The following GUCA2B variants were observed in gnomAD, a reference collection of about 807,000 sequenced individuals.
GUCA2B encodes guanylate cyclase activator 2B.
GUCA2B carries 7 observed loss-of-function variants against 11.1 expected under a neutral mutation model. The ratio of observed to expected loss-of-function variants is 0.63; its 90% confidence interval spans 0.36 to 1.18. GUCA2B has a LOEUF of 1.18. GUCA2B is among the 50% of genes most tolerant of loss of function. The probability of loss-of-function intolerance (pLI) is 0.02; values close to 1 mark genes in which losing one functional copy is unlikely to be tolerated. For synonymous variants in GUCA2B, 69 were observed against 65.3 expected, an observed-to-expected ratio of 1.06 and a Z score of -0.27; for missense variants, 140 against 142.5, an observed-to-expected ratio of 0.98 and a Z score of 0.09.
rs377371501 is a variant in GUCA2B, at chr1:42,154,756, G to A, written c.167G>A (p.Arg56His). ...GAGGCACAGTGGGCACCCAGCCCCC[G>A]CCTGCAGGCCCAGAGCCTCCTGCCC... ...DLEAQWAPSP[R>H]LQAQSLLPAV... Residue 56 changes from arginine (R) to histidine (H), a missense_variant, in exon 2 of 3, where the codon CGC (arginine) becomes CAC (histidine). By Grantham distance (29) the Arg-to-His change is conservative. Transcript: ENST00000372581. 15 of 1,613,790 alleles carry A rather than the reference G, an allele frequency of 9.3e-6. No individual in the cohort carries two copies. Among genetic ancestry groups the A allele is most frequent in the African/African-American group, 1.3e-5 (1 of 74,938 alleles).
Position 42,153,554 on chromosome 1 carries a change from C to T in GUCA2B, c.90+14C>T. ...GTCTACATCCAGGTGAGTCCCTTGG[C>T]CAGCGTTCCCTTTGCCTGAAGGGCC... is the stretch of plus-strand genomic sequence containing the variant. On this transcript the variant is annotated intron_variant, in intron 1 of 2. Transcript: ENST00000372581. The T allele has an allele frequency of 3.2e-6, 5 of 1,581,042 alleles. No homozygotes were observed. Among genetic ancestry groups the T allele is most frequent in the Non-Finnish European group, 3.5e-6 (4 of 1,152,072 alleles).
At chr1:42,154,267 C>T (rs374305472) in intron 1 of GUCA2B, among the ~76,000 whole-genome samples, 44 of 152,322 alleles carry the variant, frequency 2.9e-4, no homozygotes, top group African/African-American at 9.4e-4. Context: ...GCCTCCCCAA[C>T]AGCCCTGGCC....
rs1370944894 is a variant in GUCA2B, at chr1:42,153,527, C to G, written c.77C>G (p.Ser26Ter). 1.9e-6 allele frequency: 3 copies of G among 1,610,778 alleles called. No individual in the cohort carries two copies. The highest frequency in any genetic ancestry group is 1.3e-5 in the African/African-American group (1 of 74,880). Residue 26 changes from serine (S) to a stop codon, truncating the protein, a stop_gained, in exon 1 of 3, where the codon TCA (serine) becomes TGA (stop). Transcript: ENST00000372581. LOFTEE classifies it high-confidence loss of function. ...VLLLLLQSTQ[S>*]VYIQYQGFRV... ...CTGCTGCTGCTGCAGAGCACACAGT[C>G]AGTCTACATCCAGGTGAGTCCCTTG... is the stretch of plus-strand genomic sequence containing the variant.
intron 1 of GUCA2B, among the ~76,000 whole-genome samples, 179 bp from the exon 2 acceptor site, chr1:42,154,501 G>A (rs926432862): frequency 1.3e-5 from 2 of 152,204 alleles, no homozygotes; most frequent in Non-Finnish European, 2.9e-5. Flanking sequence ...CCACAGCCCC[G>A]CTGCTTCTTC....
At chr1:42,155,057 C>T (rs988631815) in intron 2 of GUCA2B, among the ~76,000 whole-genome samples, 191 bp downstream of exon 2, 14 of 152,240 alleles carry the variant, frequency 9.2e-5, no homozygotes, top group South Asian at 2.1e-4. Flanking sequence ...GAACCTGCTT[C>T]GTCCCCTTAG....
intron 1 of GUCA2B, 22 bp downstream of exon 1, chr1:42,153,562 C>G: frequency 6.4e-7 from 1 of 1,552,750 alleles, no homozygotes; most frequent in Non-Finnish European, 8.9e-7. Context: ...GGCCAGCGTT[C>G]CCTTTGCCTG....
At position 42,154,734 on chromosome 1, in the gene GUCA2B, G is replaced by A; in HGVS notation, c.145G>A (p.Ala49Thr). 2.5e-6 allele frequency: 4 copies of A among 1,614,052 alleles called. No homozygotes were observed. Among genetic ancestry groups the A allele is most frequent in the Non-Finnish European group, 3.4e-6 (4 of 1,179,906 alleles). The change falls in exon 2 of 3, where the codon GCA (alanine) becomes ACA (threonine). Residue 49 changes from alanine to threonine, a missense_variant. Ala to Thr is a moderately conservative substitution (Grantham distance 58). Transcript: ENST00000372581. ...ESMKKLSDLE[A>T]QWAPSPRLQA... ...CATGAAGAAGCTGAGTGACCTGGAG[G>A]CACAGTGGGCACCCAGCCCCCGCCT...
intron 2 of GUCA2B, among the ~76,000 whole-genome samples, chr1:42,155,277 G>A (rs898672819): frequency 1.8e-4 from 27 of 152,194 alleles, no homozygotes; most frequent in Admixed American, 6.5e-5. Flanking sequence ...GGGACTTGTC[G>A]GTCCTGCATT....
Position 42,155,639 on chromosome 1 carries a change from T to A in GUCA2B, c.*43T>A. 6.9e-7 allele frequency: 1 copy of A among 1,455,714 alleles called. No individual in the cohort carries two copies. Among genetic ancestry groups the A allele is most frequent in the African/African-American group, 1.4e-5 (1 of 72,088 alleles). 90.2% of individuals were successfully genotyped at this position (1,455,714 alleles called of 1,614,324 possible). ...TGAGCCCACCAGGGACACCTCGCCC[T>A]TCAGCCCACCACCCTGGCAGGCTTC... On this transcript the variant is annotated 3_prime_UTR_variant, in exon 3 of 3. Coordinates refer to ENST00000372581, the MANE Select transcript of GUCA2B (RefSeq NM_007102.3).
chr1:42,155,152 G>A (rs1646103542), intron 2 of GUCA2B, among the ~76,000 whole-genome samples: 1 of 152,206 alleles, frequency 6.6e-6, no homozygotes, highest in South Asian at 2.1e-4. Flanking sequence ...TGGGACAGGG[G>A]TGTGAAAGGC....
In GUCA2B at chr1:42,153,464, C is replaced by A. The variant is rs1646093408; in HGVS notation, c.14C>A (p.Ala5Asp). ...CCAGGGAGCGCGATGGGCTGCAGGG[C>A]TGCATCAGGGCTCCTGCCAGGAGTG... MGCR[A>D]ASGLLPGVAV... The change falls in exon 1 of 3, where the codon GCT (alanine) becomes GAT (aspartate). Residue 5 changes from alanine (A) to aspartate (D), a missense_variant. Transcript: ENST00000372581. 1 of 1,611,102 alleles carries A rather than the reference C, an allele frequency of 6.2e-7. No homozygotes were observed.
chr1:42,154,926 C>T, intron 2 of GUCA2B, 60 bp downstream of exon 2: 1 of 1,368,100 alleles, frequency 7.3e-7, no homozygotes, highest in Non-Finnish European at 1.0e-6. Context: ...CAGGCTCCTC[C>T]ACCTGGGTTG....
In GUCA2B at chr1:42,155,660, G is replaced by T. The variant is rs1408820242; in HGVS notation, c.*64G>T. ...GCCCTTCAGCCCACCACCCTGGCAGGCTTCCATCCCCGTCCATGCTCAAGA... is the reference window on the plus strand; with the variant it reads ...GCCCTTCAGCCCACCACCCTGGCAGTCTTCCATCCCCGTCCATGCTCAAGA... On this transcript the variant is annotated 3_prime_UTR_variant, in exon 3 of 3. Coordinates refer to ENST00000372581, the MANE Select transcript of GUCA2B (RefSeq NM_007102.3). 7.9e-7 allele frequency: 1 copy of T among 1,270,588 alleles called. No homozygotes were observed. Among genetic ancestry groups the T allele is most frequent in the Non-Finnish European group, 1.2e-6 (1 of 866,398 alleles). The allele number at this position is 1,270,588 out of a possible 1,614,324, so 78.7% of individuals were successfully genotyped here. A position where few individuals can be genotyped will look rare whatever the true frequency, so the allele number is the denominator to read the frequency against.
rs2124012377 is a variant in GUCA2B at position 42,154,673 on chromosome 1, T to C, written c.91-7T>C. ...ACCTGCTCCTATCTCCTCTCCCCTGTCTGTAGTACCAAGGCTTCCGGGTCC... is the reference window on the plus strand; with the variant it reads ...ACCTGCTCCTATCTCCTCTCCCCTGCCTGTAGTACCAAGGCTTCCGGGTCC... On this transcript the variant is annotated splice_region_variant and splice_polypyrimidine_tract_variant and intron_variant, in intron 1 of 2. Transcript: ENST00000372581. 16 of 1,612,968 alleles carry C rather than the reference T, an allele frequency of 9.9e-6. No individual in the cohort carries two copies. Among genetic ancestry groups the C allele is most frequent in the Non-Finnish European group, 1.4e-5 (16 of 1,178,948 alleles).
chr1:42,154,523 C>T (rs1466612410), intron 1 of GUCA2B, among the ~76,000 whole-genome samples, 157 bp from the exon 2 acceptor site: 1 of 152,222 alleles, frequency 6.6e-6, no homozygotes, highest in Non-Finnish European at 1.5e-5. Context: ...TCACACCTCT[C>T]ACCGCAGCGG....
chr1:42,153,629 C>A, intron 1 of GUCA2B, 89 bp downstream of exon 1: 1 of 976,198 alleles, frequency 1.0e-6, no homozygotes, highest in Non-Finnish European at 1.6e-6. Flanking sequence ...TTCAGAGGGG[C>A]ACCGGGGGAG....
At chr1:42,155,302 A>C (rs752558156) in intron 2 of GUCA2B, among the ~76,000 whole-genome samples, 2 of 152,116 alleles carry the variant, frequency 1.3e-5, no homozygotes, top group Non-Finnish European at 2.9e-5. Context: ...CCTCACAGTG[A>C]CCCTGTCCAT....
intron 2 of GUCA2B, 35 bp from the exon 3 acceptor site, chr1:42,155,500 G>C (rs769495220): frequency 4.8e-5 from 76 of 1,583,372 alleles, no homozygotes; most frequent in Non-Finnish European, 5.8e-5. Flanking sequence ...GAGGGCCCAG[G>C]TTCAGGTCAA....
intron 1 of GUCA2B, among the ~76,000 whole-genome samples, chr1:42,153,791 A>G (rs896323453): frequency 6.6e-6 from 1 of 152,228 alleles, no homozygotes; most frequent in African/African-American, 2.4e-5. Flanking sequence ...CGTGCTGGTC[A>G]CAGAGGTCAG....
Sources: gnomAD v4.1 joint callset for allele counts (sites outside exome capture counted in the v4.1 genomes callset) on GRCh38, gnomAD v4.1.1 for gene constraint, MANE v1.5 for transcripts, NCBI Gene and HGNC (gene_info 2026-07-23, HGNC 2026-07-21) for gene names.